Variants in RASSF3 observed in about 807,000 individuals in gnomAD.
RASSF3 encodes Ras association domain family member 3.
Under a neutral mutation model 19.9 loss-of-function variants are expected in RASSF3, and 19 were observed. The observed-to-expected ratio is 0.96, with a 90% CI of 0.67 to 1.40. The LOEUF is 1.40. Among genes scored for constraint, RASSF3 ranks in the 40% most tolerant of loss-of-function variants. The pLI is 0.00. For synonymous variants in RASSF3, 110 were observed against 104.2 expected (o/e 1.06, Z -0.34); for missense variants, 306 against 289.8 (o/e 1.06, Z -0.41).
chr12:64,540,233 AT>A (rs1246107563), intron 1 of RASSF3, among the ~76,000 whole-genome samples: 1 of 152,218 alleles, frequency 6.6e-6, no homozygotes, highest in Non-Finnish European at 1.5e-5. Context: ...AAATTTCATT[AT>A]GTTAGACCTG....
At chr12:64,570,284 C>A (rs555176214) in intron 2 of RASSF3, among the ~76,000 whole-genome samples, 1 of 152,308 alleles carries the variant, frequency 6.6e-6, no homozygotes, top group South Asian at 2.1e-4. Flanking sequence ...ATACAGATTT[C>A]TTCTCTTGGA....
chr12:64,538,887 T>C (rs562014901), intron 1 of RASSF3, among the ~76,000 whole-genome samples: 1 of 151,892 alleles, frequency 6.6e-6, no homozygotes, highest in South Asian at 2.1e-4. Flanking sequence ...TACTAAAAAA[T>C]ACCAAAAAAT....
rs181720644 is a variant in RASSF3, at chr12:64,564,312, T to C, written c.294+22607T>C. Among the ~76,000 whole-genome samples the C allele has an allele frequency of 3.2e-3, 490 of 152,296 alleles. 2 individuals carry two copies. The highest frequency in any genetic ancestry group is 5.8e-3 in the Non-Finnish European group (392 of 68,026). On this transcript the variant is annotated intron_variant, in intron 2 of 5. Transcript: ENST00000637125. Reference sequence around the variant, plus strand: ...CTGAAAACTACTGTACTAACTTTATTGGATTGGGGACTGATTCTTTGTTAG... The same window carrying C: ...CTGAAAACTACTGTACTAACTTTATCGGATTGGGGACTGATTCTTTGTTAG...
intron 2 of RASSF3, among the ~76,000 whole-genome samples, chr12:64,590,832 TG>T (rs1469916739): frequency 6.6e-6 from 1 of 152,168 alleles, no homozygotes; most frequent in East Asian, 1.9e-4. Flanking sequence ...ATCTGTGAAG[TG>T]GCAGTAATTA....
intron 2 of RASSF3, among the ~76,000 whole-genome samples, chr12:64,597,598 C>T (rs1050302788): frequency 2.0e-4 from 31 of 151,774 alleles, no homozygotes; most frequent in Non-Finnish European, 1.5e-4. Context: ...CTGGGATTTA[C>T]AGTCGTGCAC....
intron 1 of RASSF3, among the ~76,000 whole-genome samples, chr12:64,650,796 A>G (rs1041547662): frequency 6.6e-6 from 1 of 152,164 alleles, no homozygotes; most frequent in African/African-American, 2.4e-5. Flanking sequence ...CACTAAAGGG[A>G]ATTGCTGTCT....
chr12:64,544,215 T>A (rs758039034), downstream of RASSF3, among the ~76,000 whole-genome samples: 1 of 151,892 alleles, frequency 6.6e-6, no homozygotes, highest in East Asian at 1.9e-4. Context: ...GCTTCACTCG[T>A]GAAGCCATCG....
At chr12:64,579,808 G>GT (rs1565842586) in intron 2 of RASSF3, among the ~76,000 whole-genome samples, 77 of 120,308 alleles carry the variant, frequency 6.4e-4, no homozygotes, top group East Asian at 3.6e-3. Context: ...TGTTTTTTTG[G>GT]GTTTTTTTTT....
chr12:64,641,783 C>T (rs1871543214), intron 1 of RASSF3, among the ~76,000 whole-genome samples: 1 of 151,570 alleles, frequency 6.6e-6, no homozygotes, highest in Non-Finnish European at 1.5e-5. Flanking sequence ...GCCCTTGTTG[C>T]CCAGGCTAGA....
chr12:64,528,454 T>C (rs1362871037), upstream of RASSF3, among the ~76,000 whole-genome samples: 3 of 152,200 alleles, frequency 2.0e-5, no homozygotes, highest in Non-Finnish European at 2.9e-5. Flanking sequence ...AGGGAGTTGC[T>C]GGAAAAGCCA....
At chr12:64,677,703 A>C (rs1183501051) in intron 1 of RASSF3, among the ~76,000 whole-genome samples, 1 of 152,238 alleles carries the variant, frequency 6.6e-6, no homozygotes, top group African/African-American at 2.4e-5. Flanking sequence ...TGAGCAGGAC[A>C]TGCTCCCCAC....
chr12:64,553,277 G>T (rs1377717883), intron 2 of RASSF3, among the ~76,000 whole-genome samples: 2 of 152,106 alleles, frequency 1.3e-5, no homozygotes, highest in African/African-American at 4.8e-5. Flanking sequence ...ATTACACTAG[G>T]TTCAGTTTAA....
chr12:64,690,184 TTTTG>T (rs1024915554), intron 3 of RASSF3, among the ~76,000 whole-genome samples: 13 of 151,832 alleles, frequency 8.6e-5, no homozygotes, highest in African/African-American at 1.2e-4. Context: ...TAAATTTGTT[TTTTG>T]TTTGTTTGTT....
chr12:64,582,564 T>A (rs1472369902), intron 2 of RASSF3, among the ~76,000 whole-genome samples: 4 of 152,160 alleles, frequency 2.6e-5, no homozygotes, highest in Non-Finnish European at 4.4e-5. Context: ...TCAGTTACAA[T>A]CCATTTTGGC....
chr12:64,647,760 G>A (rs1189494949), intron 1 of RASSF3, among the ~76,000 whole-genome samples: 2 of 151,592 alleles, frequency 1.3e-5, no homozygotes, highest in Non-Finnish European at 2.9e-5. Context: ...CTGTTGCCCA[G>A]GATGGTCTCC....
intron 1 of RASSF3, among the ~76,000 whole-genome samples, chr12:64,541,121 G>T (rs1380062812): frequency 6.6e-6 from 1 of 151,148 alleles, no homozygotes; most frequent in Non-Finnish European, 1.5e-5. Context: ...AAGTAGCTGG[G>T]ACTATAGGCA....
intron 1 of RASSF3, among the ~76,000 whole-genome samples, chr12:64,633,768 G>A (rs1284156263): frequency 2.0e-5 from 3 of 152,096 alleles, no homozygotes; most frequent in African/African-American, 7.2e-5. Context: ...AGTTTGGAGG[G>A]GTCAGAAGAA....
Position 64,555,644 on chromosome 12 carries a change from G to A in RASSF3, c.294+13939G>A, listed in dbSNP as rs146116981. ...GGCGCTTATAGTCCCAGCTACTCGG[G>A]AGGCTGAGGCAGGAGAATGGTGTAA... is the stretch of plus-strand genomic sequence containing the variant. On this transcript the variant is annotated intron_variant, in intron 2 of 5. Transcript: ENST00000637125. Among the ~76,000 whole-genome samples the A allele has an allele frequency of 7.0e-3, 1,069 of 152,118 alleles. 3 individuals are homozygous for A. The highest frequency in any genetic ancestry group is 0.014 in the Admixed American group (207 of 15,256).
At chr12:64,552,979 G>C (rs1275279333) in intron 2 of RASSF3, among the ~76,000 whole-genome samples, 2 of 152,104 alleles carry the variant, frequency 1.3e-5, no homozygotes, top group Non-Finnish European at 2.9e-5. Context: ...GGGAGGCCAA[G>C]GCGGGTGGAT....
Sources: gnomAD v4.1 joint callset for allele counts (sites outside exome capture counted in the v4.1 genomes callset) on GRCh38, gnomAD v4.1.1 for gene constraint, MANE v1.5 for transcripts, NCBI Gene and HGNC (gene_info 2026-07-23, HGNC 2026-07-21) for gene names.